MAP2K4: variants seen among roughly 807,000 people sequenced by gnomAD.
MAP2K4 encodes the protein mitogen-activated protein kinase kinase 4, also known as dual specificity mitogen-activated protein kinase kinase 4.
Under a neutral mutation model 48.5 loss-of-function variants are expected in MAP2K4, and 4 were observed. The observed-to-expected ratio is 0.08, with a 90% CI of 0.04 to 0.19. MAP2K4 has a LOEUF of 0.19. Ranked by LOEUF, MAP2K4 falls within the 10% of genes least tolerant of loss-of-function variation. The pLI is 1.00. For synonymous variants in MAP2K4, 166 were observed against 173.1 expected (o/e 0.96, Z 0.32); for missense variants, 258 against 493.3 (o/e 0.52, Z 4.52).
rs1289886706 is a variant in MAP2K4, at chr17:12,142,603, C to T, written c.*1343C>T. On this transcript the variant is annotated 3_prime_UTR_variant, in exon 11 of 11. Coordinates refer to ENST00000353533, the MANE Select transcript of MAP2K4 (RefSeq NM_003010.4). ...AGACACATTGGACCAGATGAGGATC[C>T]GAAACGGCAGCCTTTACGTTCATCA... The T allele has an allele frequency of 4.3e-6, 1 of 233,010 alleles. No homozygotes were observed. Among genetic ancestry groups the T allele is most frequent in the Non-Finnish European group, 8.5e-6 (1 of 117,924 alleles). 14.4% of individuals were successfully genotyped at this position (233,010 alleles called of 1,614,324 possible).
chr17:12,134,725 C>G (rs1036879025), intron 9 of MAP2K4, among the ~76,000 whole-genome samples: 1 of 152,152 alleles, frequency 6.6e-6, no homozygotes, highest in Non-Finnish European at 1.5e-5. Context: ...TAAGACTTGA[C>G]AAGTTTTCAA....
intron 7 of MAP2K4, among the ~76,000 whole-genome samples, chr17:12,113,611 T>C (rs912696082): frequency 2.6e-5 from 4 of 152,200 alleles, no homozygotes; most frequent in Admixed American, 6.5e-5. Context: ...CTGATTATTG[T>C]TTTTTCATTA....
chr17:12,043,902 C>T (rs560924288), intron 1 of MAP2K4, among the ~76,000 whole-genome samples: 1 of 152,196 alleles, frequency 6.6e-6, no homozygotes, highest in Admixed American at 6.5e-5. Flanking sequence ...TTTTCACCTT[C>T]CTGGAGGTGT....
At position 12,142,825 on chromosome 17, in the gene MAP2K4, T is replaced by G. The variant is rs182288643; in HGVS notation, c.*1565T>G. ...CCCTGGCACTGAACCTTAGGCTTTG[T>G]ATGACAGTGAAGCAGCACTGTGAGT... On this transcript the variant is annotated 3_prime_UTR_variant, in exon 11 of 11. Coordinates refer to ENST00000353533, the MANE Select transcript of MAP2K4 (RefSeq NM_003010.4). The G allele has an allele frequency of 1.3e-5, 3 of 232,840 alleles. No individual in the cohort carries two copies. Among genetic ancestry groups the G allele is most frequent in the Non-Finnish European group, 2.5e-5 (3 of 117,796 alleles). 14.4% of individuals were successfully genotyped at this position (232,840 alleles called of 1,614,324 possible). A position where few individuals can be genotyped will look rare whatever the true frequency, so the allele number is the denominator to read the frequency against.
chr17:12,089,981 C>T (rs564635047), intron 3 of MAP2K4, among the ~76,000 whole-genome samples: 1 of 152,282 alleles, frequency 6.6e-6, no homozygotes, highest in Admixed American at 6.5e-5. Context: ...TTCTTGATTC[C>T]TTACATGTTT....
chr17:12,045,206 A>G (rs565929346), intron 1 of MAP2K4, among the ~76,000 whole-genome samples: 18 of 152,256 alleles, frequency 1.2e-4, no homozygotes, highest in Admixed American at 9.8e-4. Flanking sequence ...ATATGCACAT[A>G]TAAAAAAGGT....
chr17:12,139,071 T>C (rs906644007), intron 9 of MAP2K4, among the ~76,000 whole-genome samples: 3 of 152,182 alleles, frequency 2.0e-5, no homozygotes, highest in Admixed American at 1.3e-4. Flanking sequence ...GTGTGGGATA[T>C]GGAAAACAGC....
rs150523126 is a variant in MAP2K4, at chr17:12,084,398, G to A, written c.393+2868G>A. On this transcript the variant is annotated intron_variant, in intron 3 of 10. Coordinates refer to ENST00000353533, the MANE Select transcript of MAP2K4 (RefSeq NM_003010.4). ...TGCACGTGCTTGGGAAAAGGGTCTT[G>A]CTCTCCTGTGAGTGGGAGTAATTTG... 7.6e-3 allele frequency among the ~76,000 whole-genome samples: 1,152 copies of A among 152,260 alleles called. 13 individuals are homozygous for A. Among genetic ancestry groups the A allele is most frequent in the African/African-American group, 0.025 (1,033 of 41,556 alleles).
At chr17:12,139,611 A>G (rs927552718) in intron 9 of MAP2K4, among the ~76,000 whole-genome samples, 3 of 152,162 alleles carry the variant, frequency 2.0e-5, no homozygotes, top group African/African-American at 4.8e-5. Flanking sequence ...TATTTTTTCT[A>G]ATTTTTAACT....
intron 8 of MAP2K4, among the ~76,000 whole-genome samples, chr17:12,126,731 A>G (rs370830161): frequency 7.9e-5 from 12 of 152,346 alleles, no homozygotes; most frequent in Admixed American, 3.9e-4. Context: ...TTCAGTCTCT[A>G]GCAGTATCTT....
intron 4 of MAP2K4, among the ~76,000 whole-genome samples, chr17:12,105,335 C>T (rs1034499822): frequency 2.6e-5 from 4 of 151,986 alleles, no homozygotes; most frequent in Non-Finnish European, 4.4e-5. Context: ...ATTGTTATGT[C>T]CTTTAGTAAC....
intron 2 of MAP2K4, among the ~76,000 whole-genome samples, chr17:12,072,918 A>G (rs1436581001): frequency 3.3e-5 from 5 of 152,228 alleles, no homozygotes; most frequent in African/African-American, 1.2e-4. Flanking sequence ...AGAATTAGCT[A>G]ACAGATCACA....
intron 9 of MAP2K4, among the ~76,000 whole-genome samples, chr17:12,137,476 G>C (rs1396126038): frequency 6.6e-6 from 1 of 152,164 alleles, no homozygotes; most frequent in South Asian, 2.1e-4. Flanking sequence ...AAAAATCATA[G>C]CTGTTGATAT....
chr17:12,043,409 T>C (rs940119054), intron 1 of MAP2K4, among the ~76,000 whole-genome samples: 56 of 152,326 alleles, frequency 3.7e-4, no homozygotes, highest in African/African-American at 1.3e-3. Flanking sequence ...TTTCTGACAC[T>C]ATTTACCTGG....
At chr17:12,084,882 AG>A (rs1971309011) in intron 3 of MAP2K4, among the ~76,000 whole-genome samples, 1 of 152,174 alleles carries the variant, frequency 6.6e-6, no homozygotes, top group Non-Finnish European at 1.5e-5. Context: ...TAGCATCATC[AG>A]TCAGAATCAG....
chr17:12,057,633 A>G (rs918452916), intron 2 of MAP2K4, among the ~76,000 whole-genome samples: 3 of 151,126 alleles, frequency 2.0e-5, no homozygotes, highest in Non-Finnish European at 4.4e-5. Flanking sequence ...TGTTTTTCCT[A>G]TCATCTTCTC....
intron 8 of MAP2K4, among the ~76,000 whole-genome samples, chr17:12,126,326 T>A (rs1019560945): frequency 6.6e-6 from 1 of 152,254 alleles, no homozygotes; most frequent in Non-Finnish European, 1.5e-5. Flanking sequence ...CTTTCTTACC[T>A]ATGGACTGTA....
chr17:12,132,034 A>G (rs1973043194), intron 9 of MAP2K4, among the ~76,000 whole-genome samples: 1 of 152,206 alleles, frequency 6.6e-6, no homozygotes, highest in Non-Finnish European at 1.5e-5. Flanking sequence ...ACTACAGTGA[A>G]ATACCACTAT....
chr17:12,118,174 C>T (rs986766540), intron 7 of MAP2K4, among the ~76,000 whole-genome samples: 1 of 152,022 alleles, frequency 6.6e-6, no homozygotes, highest in Non-Finnish European at 1.5e-5. Context: ...ATGAATTCGC[C>T]AGGGTTATTG....
Sources: gnomAD v4.1 joint callset for allele counts (sites outside exome capture counted in the v4.1 genomes callset) on GRCh38, gnomAD v4.1.1 for gene constraint, MANE v1.5 for transcripts, NCBI Gene and HGNC (gene_info 2026-07-23, HGNC 2026-07-21) for gene names.